NME7: variants seen among roughly 807,000 people sequenced by gnomAD.
The protein encoded by NME7 is nucleoside diphosphate kinase 7.
In NME7, 41 loss-of-function variants were observed where a neutral mutation model predicts 49.1. The ratio of observed to expected loss-of-function variants is 0.83; its 90% CI spans 0.65 to 1.08. The LOEUF (loss-of-function observed/expected upper bound fraction) is 1.08, where lower values mean the gene tolerates loss of function less well. Ranked by LOEUF, NME7 falls within the 50% of genes least tolerant of loss-of-function variation. The pLI is 0.00. For synonymous variants in NME7, 139 were observed against 150.6 expected (o/e 0.92, Z 0.56); for missense variants, 423 against 463.4 (o/e 0.91, Z 0.80).
At chr1:169,308,190 C>T (rs1651252651) in intron 4 of NME7, among the ~76,000 whole-genome samples, 1 of 151,966 alleles carries the variant, frequency 6.6e-6, no homozygotes, top group Non-Finnish European at 1.5e-5. Context: ...GGAGATCATA[C>T]ATAAGGGAAA....
At chr1:169,310,212 T>C (rs149939469) in intron 3 of NME7, 132 bp from the exon 4 acceptor site, 1 of 574,682 alleles carries the variant, frequency 1.7e-6, no homozygotes, top group East Asian at 3.4e-5. Flanking sequence ...TAGAAAAGTG[T>C]ATTAAAGACA....
intron 3 of NME7, among the ~76,000 whole-genome samples, chr1:169,319,581 C>T (rs1229756438): frequency 6.6e-6 from 1 of 152,048 alleles, no homozygotes; most frequent in Non-Finnish European, 1.5e-5. Flanking sequence ...AGTACATCTC[C>T]AAGAGGACAG....
At chr1:169,284,986 T>C (rs1399408607) in intron 7 of NME7, 1 of 152,154 alleles carries the variant, frequency 6.6e-6, no homozygotes, top group African/African-American at 2.4e-5. Context: ...TTGATGCCTA[T>C]AAACAAGAAC....
chr1:169,290,480 G>C (rs1650454811), intron 6 of NME7, among the ~76,000 whole-genome samples: 1 of 151,978 alleles, frequency 6.6e-6, no homozygotes, highest in Non-Finnish European at 1.5e-5. Context: ...AACAGAAACT[G>C]GACCCCTTCC....
chr1:169,345,028 T>C (rs1300901136), intron 1 of NME7, among the ~76,000 whole-genome samples: 1 of 152,212 alleles, frequency 6.6e-6, no homozygotes, highest in African/African-American at 2.4e-5. Flanking sequence ...TATAACTCTA[T>C]TCAGATTCTC....
chr1:169,135,489 G>A (rs1314505415), intron 11 of NME7, among the ~76,000 whole-genome samples: 1 of 152,126 alleles, frequency 6.6e-6, no homozygotes, highest in Non-Finnish European at 1.5e-5. Context: ...TGAATACAGA[G>A]GGAAACTATC....
chr1:169,342,328 C>T (rs1262503538), intron 1 of NME7, among the ~76,000 whole-genome samples: 2 of 151,816 alleles, frequency 1.3e-5, no homozygotes, highest in Non-Finnish European at 2.9e-5. Context: ...TTCCCCTTTG[C>T]CTTCTGGCAT....
chr1:169,239,870 GA>G (rs1292465691), intron 7 of NME7, among the ~76,000 whole-genome samples: 2 of 152,050 alleles, frequency 1.3e-5, no homozygotes, highest in Non-Finnish European at 2.9e-5. Flanking sequence ...GAGTGGAAAG[GA>G]AATGAGACAG....
At position 169,310,061 on chromosome 1, in the gene NME7, G is replaced by A; in HGVS notation, c.298C>T (p.Pro100Ser). The change falls in exon 4 of 12, where the codon CCA (proline) becomes TCA (serine). Residue 100 changes from proline to serine, a missense_variant. Coordinates refer to ENST00000367811, the MANE Select transcript of NME7 (RefSeq NM_013330.5). ...TCTCCAGCCTTTGATATTGCATCTG[G>A]TTTAATTAGGGCTAGCGTTCTATAA... is the stretch of plus-strand genomic sequence containing the variant. The part of the protein sequence containing the change: ...RKEKTLALIK[P>S]DAISKAGEII... 1 of 1,603,784 alleles carries A rather than the reference G, an allele frequency of 6.2e-7. No individual in the cohort carries two copies. Among genetic ancestry groups the A allele is most frequent in the Non-Finnish European group, 8.5e-7 (1 of 1,174,612 alleles).
chr1:169,228,051 C>CAG (rs1227281555), intron 10 of NME7, among the ~76,000 whole-genome samples: 1 of 151,198 alleles, frequency 6.6e-6, no homozygotes, highest in African/African-American at 2.4e-5. Flanking sequence ...TACACACACA[C>CAG]ACACACACAC....
At chr1:169,188,769 G>T (rs1660143100) in intron 10 of NME7, among the ~76,000 whole-genome samples, 1 of 152,104 alleles carries the variant, frequency 6.6e-6, no homozygotes, top group South Asian at 2.1e-4. Flanking sequence ...AGATCATTTT[G>T]ACTTCTCATA....
At chr1:169,342,924 T>TA (rs1200328706) in intron 1 of NME7, among the ~76,000 whole-genome samples, 1 of 114,660 alleles carries the variant, frequency 8.7e-6, no homozygotes, top group Non-Finnish European at 1.7e-5. Flanking sequence ...TATATATATA[T>TA]ATACAAGTAC....
At chr1:169,278,953 A>C (rs973669504) in intron 7 of NME7, among the ~76,000 whole-genome samples, 1 of 152,190 alleles carries the variant, frequency 6.6e-6, no homozygotes, top group African/African-American at 2.4e-5. Flanking sequence ...GGTCCACTCC[A>C]GACCCTGTTT....
intron 7 of NME7, among the ~76,000 whole-genome samples, chr1:169,281,070 G>C (rs1489728511): frequency 4.6e-5 from 7 of 152,072 alleles, no homozygotes; most frequent in Non-Finnish European, 1.5e-5. Context: ...TCGTGATACT[G>C]ATTCTTCCTA....
At chr1:169,200,589 C>G (rs1220112174) in intron 10 of NME7, among the ~76,000 whole-genome samples, 1 of 152,126 alleles carries the variant, frequency 6.6e-6, no homozygotes, top group Admixed American at 6.5e-5. Context: ...CTCTATCAGG[C>G]TCTTACAATC....
intron 11 of NME7, among the ~76,000 whole-genome samples, chr1:169,139,781 A>T (rs1357372897): frequency 6.6e-6 from 1 of 152,234 alleles, no homozygotes; most frequent in South Asian, 2.1e-4. Flanking sequence ...CCAGCTTATC[A>T]GATGATAGCA....
chr1:169,290,631 A>G (rs1337307721), intron 6 of NME7, among the ~76,000 whole-genome samples: 1 of 152,218 alleles, frequency 6.6e-6, no homozygotes, highest in Non-Finnish European at 1.5e-5. Context: ...AAAAGACCAA[A>G]AGCAATGGCA....
At chr1:169,264,956 G>T (rs1212715224) in intron 7 of NME7, among the ~76,000 whole-genome samples, 3 of 133,208 alleles carry the variant, frequency 2.3e-5, no homozygotes, top group African/African-American at 7.6e-5. Flanking sequence ...TGGCAGAAGG[G>T]GAAGCAAACA....
intron 1 of NME7, among the ~76,000 whole-genome samples, chr1:169,367,064 T>C (rs1175473737): frequency 1.3e-5 from 2 of 152,058 alleles, no homozygotes; most frequent in Non-Finnish European, 2.9e-5. Context: ...TCCATTCCTT[T>C]CATTCAGAAT....
Sources: gnomAD v4.1 joint callset for allele counts (sites outside exome capture counted in the v4.1 genomes callset) on GRCh38, gnomAD v4.1.1 for gene constraint, MANE v1.5 for transcripts, NCBI Gene and HGNC (gene_info 2026-07-23, HGNC 2026-07-21) for gene names.